Variants in ZBED3 observed in about 807,000 individuals in gnomAD.
ZBED3 encodes zinc finger BED-type containing 3, also known as zinc finger BED domain-containing protein 3.
For synonymous variants in ZBED3, 175 were observed against 180.0 expected, an observed-to-expected ratio of 0.97 and a Z score of 0.22; for missense variants, 388 against 362.9, an observed-to-expected ratio of 1.07 and a Z score of -0.56.
chr5:77,086,838 C>T (rs1743252061), intron 1 of ZBED3: 1 of 152,330 alleles, frequency 6.6e-6, no homozygotes, highest in Admixed American at 6.5e-5. Flanking sequence ...GACGAATTTC[C>T]ACATTCCGAA....
Position 77,084,794 on chromosome 5 carries a change from A to G in ZBED3, c.-153+2317T>C, listed in dbSNP as rs1368431113. Among the ~76,000 whole-genome samples the G allele has an allele frequency of 2.6e-5, 4 of 152,298 alleles. No individual in the cohort carries two copies. In the South Asian group the frequency reaches 8.3e-4, roughly 32 times the overall value. ...AAACGCATTGTTGTCCATCACCAAA[A>G]CACATTACCCTTAGTACTCGACTCT... On this transcript the variant is annotated intron_variant, in intron 1 of 2. Coordinates refer to ENST00000255198, the MANE Select transcript of ZBED3 (RefSeq NM_032367.4).
Position 77,072,938 on chromosome 5 carries a change from A to T in ZBED3, c.*4236T>A, listed in dbSNP as rs762451442. 1 of 152,138 alleles carries T rather than the reference A, an allele frequency of 6.6e-6. No homozygotes were observed. The highest frequency in any genetic ancestry group is 1.5e-5 in the Non-Finnish European group (1 of 68,012). The allele number at this position is 152,138 out of a possible 1,614,324, so 9.4% of individuals were successfully genotyped here. ...TCACTCTCTAGAACCTATTTTCCTAATCTATCAAATGATGGAGTTGGACTG... is the reference window on the plus strand; with the variant it reads ...TCACTCTCTAGAACCTATTTTCCTATTCTATCAAATGATGGAGTTGGACTG... On this transcript the variant is annotated 3_prime_UTR_variant, in exon 3 of 3. Transcript: ENST00000255198.
At chr5:77,077,983 T>TC in intron 2 of ZBED3, 88 bp from the exon 3 acceptor site, 1 of 958,778 alleles carries the variant, frequency 1.0e-6, no homozygotes, top group African/African-American at 1.7e-5. Context: ...CATGCCGCCC[T>TC]CCATTTTCTT....
rs1310787192 is a variant in ZBED3, at chr5:77,075,963, ATATGTATATG to A, written c.*1201_*1210del. On this transcript the variant is annotated 3_prime_UTR_variant, in exon 3 of 3. Transcript: ENST00000255198. ...TATATACATATATATATATATATAT[ATATGTATATG>A]TATATATGTATATATATATGTATAT... 6 of 25,642 alleles carry A rather than the reference ATATGTATATG, an allele frequency of 2.3e-4. 1 individual carries two copies. Among genetic ancestry groups the A allele is most frequent in the African/African-American group, 6.9e-4 (4 of 5,812 alleles). 1.6% of individuals were successfully genotyped at this position (25,642 alleles called of 1,614,324 possible).
chr5:77,072,188 T>C lies in ZBED3; in HGVS notation c.*4986A>G, dbSNP rs1206478970. ...TATTTAAACATATAATGACTCCCAG[T>C]GCTACCTGAATTCATTCACATCATA... On this transcript the variant is annotated 3_prime_UTR_variant, in exon 3 of 3. Coordinates refer to ENST00000255198, the MANE Select transcript of ZBED3 (RefSeq NM_032367.4). 1 of 152,204 alleles carries C rather than the reference T, an allele frequency of 6.6e-6. No homozygotes were observed. The highest frequency in any genetic ancestry group is 2.4e-5 in the African/African-American group (1 of 41,446). 9.4% of individuals were successfully genotyped at this position (152,204 alleles called of 1,614,324 possible).
chr5:77,079,622 T>C (rs562855044), intron 1 of ZBED3, among the ~76,000 whole-genome samples: 1 of 152,348 alleles, frequency 6.6e-6, no homozygotes, highest in Non-Finnish European at 1.5e-5. Flanking sequence ...ACCATGCGTC[T>C]TCTAACAAAG....
At chr5:77,080,663 G>C in intron 1 of ZBED3, 2 of 508,082 alleles carry the variant, frequency 3.9e-6, no homozygotes, top group East Asian at 5.5e-5. Flanking sequence ...GTAACAGCCT[G>C]GTTAGCTGAG....
Position 77,073,252 on chromosome 5 carries a change from G to A in ZBED3, c.*3922C>T, listed in dbSNP as rs979233194. ...CAGGCTCGCACTAGCCATCTTTGAG[G>A]GAGTAGTTAAGATTCTAAATCCTTT... On this transcript the variant is annotated 3_prime_UTR_variant, in exon 3 of 3. Coordinates refer to ENST00000255198, the MANE Select transcript of ZBED3 (RefSeq NM_032367.4). 2.6e-5 allele frequency: 4 copies of A among 152,076 alleles called. No homozygotes were observed. Among genetic ancestry groups the A allele is most frequent in the East Asian group, 3.9e-4 (2 of 5,192 alleles). The allele number at this position is 152,076 out of a possible 1,614,324, so 9.4% of individuals were successfully genotyped here. A position where few individuals can be genotyped will look rare whatever the true frequency, so the allele number is the denominator to read the frequency against.
Position 77,076,873 on chromosome 5 carries a change from C to T in ZBED3, c.*301G>A. ...CATGGCACTGGGTGGTCTGGGTTCA[C>T]GGGGCTCCTGGAGCTCTCGGGTGTC... On this transcript the variant is annotated 3_prime_UTR_variant, in exon 3 of 3. Transcript: ENST00000255198. 4.2e-6 allele frequency: 1 copy of T among 240,094 alleles called. No individual in the cohort carries two copies. 14.9% of individuals were successfully genotyped at this position (240,094 alleles called of 1,614,324 possible). A position where few individuals can be genotyped will look rare whatever the true frequency, so the allele number is the denominator to read the frequency against.
chr5:77,075,565 C>T lies in ZBED3; in HGVS notation c.*1609G>A, dbSNP rs1250750172. On this transcript the variant is annotated 3_prime_UTR_variant, in exon 3 of 3. Transcript: ENST00000255198. ...GGGTCGAAATGTCATTCTATGTACA[C>T]ATGCATGGGGTGGAGAGAATAGTAA... is the stretch of plus-strand genomic sequence containing the variant. 1 of 152,048 alleles carries T rather than the reference C, an allele frequency of 6.6e-6. No individual in the cohort carries two copies. The highest frequency in any genetic ancestry group is 1.5e-5 in the Non-Finnish European group (1 of 68,022). The allele number at this position is 152,048 out of a possible 1,614,324, so 9.4% of individuals were successfully genotyped here. A position where few individuals can be genotyped will look rare whatever the true frequency, so the allele number is the denominator to read the frequency against.
rs78129435 is a variant in ZBED3 at position 77,080,295 on chromosome 5, T to G, written c.-152-1567A>C. ...CTCTGGGTTTCCTTAAAAACTGGAATGCCCAGAGGGAGTGTCGCACAGGTG... is the reference window on the plus strand; with the variant it reads ...CTCTGGGTTTCCTTAAAAACTGGAAGGCCCAGAGGGAGTGTCGCACAGGTG... On this transcript the variant is annotated intron_variant, in intron 1 of 2. Coordinates refer to ENST00000255198, the MANE Select transcript of ZBED3 (RefSeq NM_032367.4). The G allele has an allele frequency of 2.7e-3, 944 of 347,978 alleles. 13 individuals carry two copies. Among genetic ancestry groups the G allele is most frequent in the African/African-American group, 0.019 (886 of 45,832 alleles). 21.6% of individuals were successfully genotyped at this position (347,978 alleles called of 1,614,324 possible).
chr5:77,085,115 T>G (rs1743211587), intron 1 of ZBED3, among the ~76,000 whole-genome samples: 1 of 152,204 alleles, frequency 6.6e-6, no homozygotes, highest in Admixed American at 6.5e-5. Flanking sequence ...GACAATAAAT[T>G]CACATTAATT....
chr5:77,077,331 C>T lies in ZBED3; in HGVS notation c.548G>A (p.Arg183Gln). Residue 183 changes from arginine (R) to glutamine (Q), a missense_variant, in exon 3 of 3, where the codon CGG becomes CAG. Coordinates refer to ENST00000255198, the MANE Select transcript of ZBED3 (RefSeq NM_032367.4). ...CGCCTCCCGCTCGGCCTGCAGTTCC[C>T]GGCGCGCCTGGGCCGCGGCGCGCTC... Reference protein sequence around the residue: ...EEERAAAQARRELQAEREALQ... With the variant: ...EEERAAAQARQELQAEREALQ... The T allele has an allele frequency of 3.9e-6, 5 of 1,278,544 alleles. No individual in the cohort carries two copies. The highest frequency in any genetic ancestry group is 4.9e-6 in the Non-Finnish European group (5 of 1,018,950). 79.2% of individuals were successfully genotyped at this position (1,278,544 alleles called of 1,614,324 possible).
chr5:77,086,660 G>A (rs1352000237), intron 1 of ZBED3: 3 of 151,508 alleles, frequency 2.0e-5, no homozygotes, highest in Admixed American at 6.6e-5. Flanking sequence ...GGGAGGGGTG[G>A]GGATTCTGGT....
In ZBED3 at chr5:77,077,641, G is replaced by T; in HGVS notation, c.238C>A (p.Pro80Thr). ...RLCGEQVGRG[P>T]GFHAGTSALW... Reference sequence around the variant, plus strand: ...GCCGAGGTCCCCGCGTGGAAGCCCGGGCCGCGGCCCACCTGCTCCCCGCAC... The same window carrying T: ...GCCGAGGTCCCCGCGTGGAAGCCCGTGCCGCGGCCCACCTGCTCCCCGCAC... The change falls in exon 3 of 3, where the codon CCG becomes ACG. Residue 80 changes from proline (P) to threonine (T), a missense_variant. Coordinates refer to ENST00000255198, the MANE Select transcript of ZBED3 (RefSeq NM_032367.4). The T allele has an allele frequency of 1.4e-6, 2 of 1,411,544 alleles. No homozygotes were observed. The highest frequency in any genetic ancestry group is 1.8e-6 in the Non-Finnish European group (2 of 1,082,800). The allele number at this position is 1,411,544 out of a possible 1,614,324, so 87.4% of individuals were successfully genotyped here. A position where few individuals can be genotyped will look rare whatever the true frequency, so the allele number is the denominator to read the frequency against.
chr5:77,077,165 GC>G lies in ZBED3; in HGVS notation c.*8del. The G allele has an allele frequency of 6.9e-7, 1 of 1,452,766 alleles. No homozygotes were observed. The highest frequency in any genetic ancestry group is 9.1e-7 in the Non-Finnish European group (1 of 1,104,618). 90.0% of individuals were successfully genotyped at this position (1,452,766 alleles called of 1,614,324 possible). A position where few individuals can be genotyped will look rare whatever the true frequency, so the allele number is the denominator to read the frequency against. ...AGCGCTGTCCTGGGGTGGGGAAGTGGCCACACCCCTACAGGAGGACCTTTGT... is the reference window on the plus strand; with the variant it reads ...AGCGCTGTCCTGGGGTGGGGAAGTGGCACACCCCTACAGGAGGACCTTTGT... On this transcript the variant is annotated 3_prime_UTR_variant, in exon 3 of 3. Transcript: ENST00000255198.
chr5:77,077,923 A>G, intron 2 of ZBED3, 28 bp from the exon 3 acceptor site: 1 of 1,239,030 alleles, frequency 8.1e-7, no homozygotes, highest in Non-Finnish European at 1.0e-6. Flanking sequence ...AATAATAATG[A>G]GTGTTAGGAT....
chr5:77,084,361 A>G (rs906645806), intron 1 of ZBED3, among the ~76,000 whole-genome samples: 9 of 152,148 alleles, frequency 5.9e-5, no homozygotes, highest in African/African-American at 1.9e-4. Context: ...TTCTTGTGCT[A>G]GTGAATAAAT....
Position 77,075,371 on chromosome 5 carries a change from CGTT to C in ZBED3, c.*1800_*1802del, listed in dbSNP as rs1742954756. 6.6e-6 allele frequency: 1 copy of C among 152,072 alleles called. No homozygotes were observed. The highest frequency in any genetic ancestry group is 1.5e-5 in the Non-Finnish European group (1 of 68,016). 9.4% of individuals were successfully genotyped at this position (152,072 alleles called of 1,614,324 possible). A position where few individuals can be genotyped will look rare whatever the true frequency, so the allele number is the denominator to read the frequency against. On this transcript the variant is annotated 3_prime_UTR_variant, in exon 3 of 3. Transcript: ENST00000255198. The stretch of plus-strand genomic sequence containing the variant: ...AACCTTGATGGGACCTGGTTGTTGT[CGTT>C]GTTTTTAAAGACAAACATTCTGGAG...
Sources: allele counts gnomAD v4.1 joint callset (sites outside exome capture counted in the v4.1 genomes callset), GRCh38; gene constraint gnomAD v4.1.1; transcripts MANE v1.5; gene names NCBI Gene and HGNC (gene_info 2026-07-23, HGNC 2026-07-21).